Variants in JARID2 observed in about 807,000 individuals in gnomAD.
JARID2 encodes protein Jumonji.
Under a neutral mutation model 125.6 loss-of-function variants are expected in JARID2, and 21 were observed. The ratio of observed to expected loss-of-function variants is 0.17; its 90% CI spans 0.12 to 0.24. The LOEUF (loss-of-function observed/expected upper bound fraction) is 0.24, where lower values mean the gene tolerates loss of function less well. Ranked by LOEUF, JARID2 falls within the 10% of genes least tolerant of loss-of-function variation. The probability of loss-of-function intolerance (pLI) is 1.00; values close to 1 mark genes in which losing one functional copy is unlikely to be tolerated. For synonymous variants in JARID2, 736 were observed against 661.6 expected (o/e 1.11, Z -1.73); for missense variants, 1,303 against 1,639.6 (o/e 0.79, Z 3.55).
At chr6:15,401,156 A>G in intron 2 of JARID2, 1 of 469,540 alleles carries the variant, frequency 2.1e-6, no homozygotes, top group Non-Finnish European at 3.2e-6. Context: ...GCAAGGTGCT[A>G]TATATATATA....
intron 17 of JARID2, among the ~76,000 whole-genome samples, chr6:15,519,019 G>C (rs929843775): frequency 7.9e-5 from 12 of 152,304 alleles, no homozygotes; most frequent in Non-Finnish European, 1.0e-4. Context: ...AGCCATTTGT[G>C]TCTCTGGCCC....
chr6:15,485,792 A>T (rs1015687012), intron 5 of JARID2, among the ~76,000 whole-genome samples: 1 of 152,242 alleles, frequency 6.6e-6, no homozygotes, highest in Non-Finnish European at 1.5e-5. Context: ...TAAGACATTA[A>T]TATAATTTAA....
At chr6:15,499,784 C>G (rs1056999952) in intron 7 of JARID2, among the ~76,000 whole-genome samples, 1 of 152,130 alleles carries the variant, frequency 6.6e-6, no homozygotes, top group African/African-American at 2.4e-5. Flanking sequence ...CATCAGTCCA[C>G]TGTCCTGCCA....
chr6:15,482,620 G>GTGT (rs1769675455), intron 5 of JARID2, among the ~76,000 whole-genome samples: 1 of 152,186 alleles, frequency 6.6e-6, no homozygotes, highest in African/African-American at 2.4e-5. Context: ...CATCTCTTGA[G>GTGT]TGTTGCAGTA....
intron 17 of JARID2, among the ~76,000 whole-genome samples, 186 bp downstream of exon 17, chr6:15,517,454 G>A (rs1030824156): frequency 3.9e-5 from 6 of 152,188 alleles, no homozygotes; most frequent in Admixed American, 1.3e-4. Flanking sequence ...CAGGGGGAGC[G>A]GGGTTCCTGC....
chr6:15,469,347 C>CTCTCTCCTCCCG (rs1768931916), intron 5 of JARID2, among the ~76,000 whole-genome samples: 1 of 36,118 alleles, frequency 2.8e-5, no homozygotes, highest in Admixed American at 3.3e-4. Flanking sequence ...CTGTCTCTCT[C>CTCTCTCCTCCCG]TCTCTCTCTC....
chr6:15,442,996 A>C (rs1438897323), intron 3 of JARID2, among the ~76,000 whole-genome samples: 1 of 152,074 alleles, frequency 6.6e-6, no homozygotes, highest in Non-Finnish European at 1.5e-5. Context: ...TTTGGGAAAA[A>C]GTTCATATCT....
intron 5 of JARID2, among the ~76,000 whole-genome samples, chr6:15,479,634 C>G (rs955198217): frequency 6.6e-6 from 1 of 152,138 alleles, no homozygotes; most frequent in Admixed American, 6.5e-5. Flanking sequence ...TGTGAAAGTT[C>G]CAGAAGCGTT....
chr6:15,392,481 A>G (rs1358342997), intron 2 of JARID2, among the ~76,000 whole-genome samples: 3 of 152,002 alleles, frequency 2.0e-5, no homozygotes, highest in African/African-American at 7.2e-5. Flanking sequence ...GGGGGTTCTA[A>G]GCTTGTAACA....
intron 4 of JARID2, among the ~76,000 whole-genome samples, chr6:15,458,291 C>T (rs548334768): frequency 2.0e-5 from 3 of 152,286 alleles, no homozygotes; most frequent in African/African-American, 7.2e-5. Context: ...TTACGGGGCA[C>T]TGCAAACAAG....
intron 3 of JARID2, among the ~76,000 whole-genome samples, chr6:15,442,064 A>G (rs1767470343): frequency 6.6e-6 from 1 of 151,876 alleles, no homozygotes; most frequent in Non-Finnish European, 1.5e-5. Flanking sequence ...AATAAGCTGT[A>G]TAGCATTGTA....
chr6:15,330,957 CTAAGATAGTCCT>C (rs1440685730), intron 1 of JARID2, among the ~76,000 whole-genome samples: 1 of 152,030 alleles, frequency 6.6e-6, no homozygotes, highest in Non-Finnish European at 1.5e-5. Context: ...TAATTGTTCC[CTAAGATAGTCCT>C]TAAGTACAAG....
chr6:15,287,613 GT>G (rs1183304643), intron 1 of JARID2, among the ~76,000 whole-genome samples: 1 of 152,182 alleles, frequency 6.6e-6, no homozygotes, highest in African/African-American at 2.4e-5. Flanking sequence ...ATATGGGACT[GT>G]TTCCCTATTC....
chr6:15,352,457 A>G (rs185190621), intron 1 of JARID2, among the ~76,000 whole-genome samples: 6 of 152,232 alleles, frequency 3.9e-5, no homozygotes, highest in African/African-American at 1.4e-4. Context: ...CCAGAGGACC[A>G]CATGACCACA....
intron 1 of JARID2, among the ~76,000 whole-genome samples, chr6:15,356,211 A>T (rs1446420201): frequency 1.3e-5 from 2 of 152,110 alleles, no homozygotes; most frequent in South Asian, 2.1e-4. Flanking sequence ...TCATCATTTG[A>T]TGGACAGTTG....
intron 2 of JARID2, 77 bp from the exon 3 acceptor site, chr6:15,410,147 G>C: frequency 7.5e-7 from 1 of 1,329,200 alleles, no homozygotes; most frequent in Non-Finnish European, 1.1e-6. Context: ...CATCAGCGTT[G>C]TGTAGGGTTA....
intron 13 of JARID2, among the ~76,000 whole-genome samples, chr6:15,511,902 G>T (rs1005006948): frequency 1.4e-4 from 21 of 152,162 alleles, no homozygotes; most frequent in Non-Finnish European, 1.0e-4. Context: ...CTTGGCTCTG[G>T]AGATGAGCCC....
chr6:15,321,893 A>T (rs1474677640), intron 1 of JARID2, among the ~76,000 whole-genome samples: 1 of 145,844 alleles, frequency 6.9e-6, no homozygotes, highest in South Asian at 2.1e-4. Flanking sequence ...TCCGGGTTCA[A>T]GCAATTCTCC....
chr6:15,308,852 G>A (rs1761921612), intron 1 of JARID2, among the ~76,000 whole-genome samples: 1 of 152,210 alleles, frequency 6.6e-6, no homozygotes, highest in South Asian at 2.1e-4. Context: ...TGTGTGCTTG[G>A]ATAATAGTTA....
Sources: allele counts gnomAD v4.1 joint callset (sites outside exome capture counted in the v4.1 genomes callset), GRCh38; gene constraint gnomAD v4.1.1; transcripts MANE v1.5; gene names NCBI Gene and HGNC (gene_info 2026-07-23, HGNC 2026-07-21).